Variants in GID4 observed in about 807,000 individuals in gnomAD.
GID4 encodes GID complex subunit 4 homolog, also known as glucose-induced degradation protein 4 homolog.
A neutral mutation model predicts 32.4 loss-of-function variants in GID4; 7 were observed. That is an observed-to-expected ratio of 0.22 (90% confidence interval 0.12 to 0.41). The LOEUF is 0.41. GID4 is among the 10% of genes least tolerant of loss of function. The pLI, the probability that GID4 is intolerant of heterozygous loss-of-function variation, is 1.00. For synonymous variants in GID4, 166 were observed against 170.0 expected, an observed-to-expected ratio of 0.98 and a Z score of 0.18; for missense variants, 309 against 400.0, an observed-to-expected ratio of 0.77 and a Z score of 1.94.
At chr17:18,041,864 T>C (rs2044806963) in intron 1 of GID4, among the ~76,000 whole-genome samples, 1 of 152,204 alleles carries the variant, frequency 6.6e-6, no homozygotes, top group Non-Finnish European at 1.5e-5. Flanking sequence ...AGTGGTTGAG[T>C]TGGGGCAGGG....
chr17:18,039,855 C>T lies in GID4; in HGVS notation c.391C>T (p.His131Tyr), dbSNP rs1432417586. 3 of 1,547,106 alleles carry T rather than the reference C, an allele frequency of 1.9e-6. No individual in the cohort carries two copies. The highest frequency in any genetic ancestry group is 2.6e-6 in the Non-Finnish European group (3 of 1,145,250). Residue 131 changes from histidine to tyrosine, a missense_variant, in exon 1 of 6, where the codon CAC becomes TAC. By Grantham distance (83) the His-to-Tyr change is moderately conservative (BLOSUM62 2). This residue lies in a region of GID4 where 116 missense variants were observed against 214.2 expected (regional missense o/e 0.54). Transcript: ENST00000268719. The surrounding 1 kb of genome is among the most constrained non-coding windows in gnomAD (Gnocchi z 5.3). ...LLYSGSKFRG[H>Y]QKSKGNSYDV... Reference sequence around the variant, plus strand: ...CTACAGCGGCTCCAAGTTCCGCGGCCACCAGAAGAGCAAGGGGAACTCGTA... The same window carrying T: ...CTACAGCGGCTCCAAGTTCCGCGGCTACCAGAAGAGCAAGGGGAACTCGTA...
At chr17:18,046,527 G>A (rs1177047625) in intron 2 of GID4, among the ~76,000 whole-genome samples, 1 of 152,108 alleles carries the variant, frequency 6.6e-6, no homozygotes, top group Non-Finnish European at 1.5e-5. Context: ...AGTATCGCTT[G>A]AGGCTAGGAT....
At chr17:18,064,166 C>T (rs377147308) in intron 5 of GID4, among the ~76,000 whole-genome samples, 1 of 152,154 alleles carries the variant, frequency 6.6e-6, no homozygotes, top group African/African-American at 2.4e-5. Context: ...GCTTTCAATT[C>T]CTTGGACATA....
rs527817117 is a variant in GID4, at chr17:18,066,100, C to T, written c.*857C>T. On this transcript the variant is annotated 3_prime_UTR_variant, in exon 6 of 6. Transcript: ENST00000268719. Reference sequence around the variant, plus strand: ...GCAAATGCACAATTATTCAGAATTACATTTTATCGTTTTCACATTGAAAAC... The same window carrying T: ...GCAAATGCACAATTATTCAGAATTATATTTTATCGTTTTCACATTGAAAAC... 6.5e-6 allele frequency: 1 copy of T among 152,690 alleles called. No individual in the cohort carries two copies. The highest frequency in any genetic ancestry group is 2.1e-4 in the South Asian group (1 of 4,828). 9.5% of individuals were successfully genotyped at this position (152,690 alleles called of 1,614,324 possible).
chr17:18,056,259 A>T (rs532753178), intron 3 of GID4, among the ~76,000 whole-genome samples: 1 of 152,230 alleles, frequency 6.6e-6, no homozygotes, highest in East Asian at 1.9e-4. Context: ...TTTGAATTCT[A>T]TACATTTTGA....
rs942185386 is a variant in GID4, at chr17:18,067,467, G to C, written c.*2224G>C. The C allele has an allele frequency of 7.9e-5, 12 of 152,312 alleles. No homozygotes were observed. Among genetic ancestry groups the C allele is most frequent in the African/African-American group, 2.9e-4 (12 of 41,540 alleles). 9.4% of individuals were successfully genotyped at this position (152,312 alleles called of 1,614,324 possible). ...GTGATGAAGTGCACCCATTGTACTG[G>C]GAAGAATGAAGAGGTGATACCTTTA... On this transcript the variant is annotated 3_prime_UTR_variant, in exon 6 of 6. Coordinates refer to ENST00000268719, the MANE Select transcript of GID4 (RefSeq NM_024052.5).
intron 2 of GID4, among the ~76,000 whole-genome samples, chr17:18,053,244 C>T (rs1405075549): frequency 1.3e-5 from 2 of 149,734 alleles, no homozygotes; most frequent in African/African-American, 4.9e-5. Context: ...AACTCCTGAC[C>T]TCAGGTGATC....
intron 3 of GID4, among the ~76,000 whole-genome samples, chr17:18,056,123 G>T (rs1427924491): frequency 1.3e-5 from 2 of 152,198 alleles, no homozygotes; most frequent in Non-Finnish European, 2.9e-5. Flanking sequence ...CCAAAGTGCT[G>T]GGATTACAGG....
chr17:18,064,652 G>A (rs1168732148), intron 5 of GID4, among the ~76,000 whole-genome samples: 4 of 152,058 alleles, frequency 2.6e-5, no homozygotes, highest in Non-Finnish European at 5.9e-5. Flanking sequence ...TATCACTAAT[G>A]TTTTCCAAGC....
Position 18,065,164 on chromosome 17 carries a change from C to T in GID4, c.840-16C>T, listed in dbSNP as rs374280999. On this transcript the variant is annotated splice_polypyrimidine_tract_variant and intron_variant, in intron 5 of 5. Transcript: ENST00000268719. ...TTAGATGACTACCTCCCGTTTCTGTCTCCTCCCCCTTGCAGGTATCAGTCC... is the reference window on the plus strand; with the variant it reads ...TTAGATGACTACCTCCCGTTTCTGTTTCCTCCCCCTTGCAGGTATCAGTCC... 1.2e-6 allele frequency: 2 copies of T among 1,607,918 alleles called. No homozygotes were observed. The highest frequency in any genetic ancestry group is 1.3e-5 in the African/African-American group (1 of 74,780).
chr17:18,060,214 G>A (rs1441595476), intron 4 of GID4, among the ~76,000 whole-genome samples: 2 of 151,388 alleles, frequency 1.3e-5, no homozygotes, highest in Admixed American at 6.6e-5. Flanking sequence ...CCTGGCCAAT[G>A]TGGTGAAACC....
intron 2 of GID4, among the ~76,000 whole-genome samples, chr17:18,049,768 G>C (rs1186879081): frequency 6.6e-6 from 1 of 152,054 alleles, no homozygotes; most frequent in African/African-American, 2.4e-5. Flanking sequence ...TTCCCAGGTA[G>C]CATGTACCAC....
chr17:18,042,615 A>G (rs923792115), intron 1 of GID4, among the ~76,000 whole-genome samples: 2 of 152,370 alleles, frequency 1.3e-5, no homozygotes, highest in South Asian at 2.1e-4. Context: ...TAATACTGCT[A>G]TGAACATTTA....
At chr17:18,065,092 G>A (rs2045048607) in intron 5 of GID4, 88 bp from the exon 6 acceptor site, 1 of 901,014 alleles carries the variant, frequency 1.1e-6, no homozygotes, top group Non-Finnish European at 1.9e-6. Context: ...GACTTGTTGG[G>A]TGCTCTGCTT....
chr17:18,049,608 C>G (rs1347429325), intron 2 of GID4, among the ~76,000 whole-genome samples: 1 of 152,006 alleles, frequency 6.6e-6, no homozygotes, highest in Non-Finnish European at 1.5e-5. Context: ...CTCCTACCCT[C>G]TACCCTCAAG....
chr17:18,051,530 G>A (rs1049389745), intron 2 of GID4, among the ~76,000 whole-genome samples: 1 of 151,850 alleles, frequency 6.6e-6, no homozygotes, highest in African/African-American at 2.4e-5. Flanking sequence ...ACAAAAATTA[G>A]CCACACGTGG....
chr17:18,055,489 TA>T (rs869268155), intron 3 of GID4, among the ~76,000 whole-genome samples: 10 of 152,122 alleles, frequency 6.6e-5, no homozygotes, highest in Non-Finnish European at 1.0e-4. Context: ...TTATTTTATT[TA>T]AAAAAAATTT....
chr17:18,047,535 G>A (rs986263821), intron 2 of GID4, among the ~76,000 whole-genome samples: 4 of 152,240 alleles, frequency 2.6e-5, no homozygotes, highest in East Asian at 1.9e-4. Flanking sequence ...GGAAGCCCCC[G>A]TGAGTCGAGA....
chr17:18,040,666 CA>C (rs2044788715), intron 1 of GID4, among the ~76,000 whole-genome samples: 1 of 152,220 alleles, frequency 6.6e-6, no homozygotes, highest in Non-Finnish European at 1.5e-5. Flanking sequence ...GGACCATTTG[CA>C]GTCTTTTCCC....
Sources: allele counts gnomAD v4.1 joint callset (sites outside exome capture counted in the v4.1 genomes callset), GRCh38; gene constraint gnomAD v4.1.1; regional missense constraint gnomAD v4.1.1; non-coding constraint Gnocchi (gnomAD v3.1); transcripts MANE v1.5; gene names NCBI Gene and HGNC (gene_info 2026-07-23, HGNC 2026-07-21).